The following GALNT13 variants were observed in gnomAD, a reference collection of about 807,000 sequenced individuals.
GALNT13 encodes the protein polypeptide N-acetylgalactosaminyltransferase 13, also known as UDP-GalNAc:polypeptide N-acetylgalactosaminyltransferase 13.
In GALNT13, 28 loss-of-function variants were observed where a neutral mutation model predicts 64.2. That is an observed-to-expected ratio of 0.44 (90% confidence interval 0.32 to 0.60). GALNT13 has a LOEUF of 0.60. GALNT13 is among the 20% of genes least tolerant of loss of function. GALNT13 has a pLI of 0.05. For synonymous variants in GALNT13, 214 were observed against 224.6 expected (o/e 0.95, Z 0.42); for missense variants, 577 against 669.8 (o/e 0.86, Z 1.53).
intron 3 of GALNT13, among the ~76,000 whole-genome samples, chr2:153,998,790 G>A (rs1453914987): frequency 1.3e-5 from 2 of 152,010 alleles, no homozygotes; most frequent in African/African-American, 4.8e-5. Context: ...GTTTAAGTCT[G>A]TACTCCATCT....
the GALNT13 span, chr2:153,354,422 C>A: frequency 6.6e-6 from 1 of 152,156 alleles, no homozygotes; most frequent in Non-Finnish European, 1.5e-5. Context: ...CCTTTTAATT[C>A]ATAGTAAAAC....
chr2:154,092,847 G>C (rs946797924), intron 3 of GALNT13, among the ~76,000 whole-genome samples: 1 of 151,906 alleles, frequency 6.6e-6, no homozygotes, highest in Non-Finnish European at 1.5e-5. Context: ...GGAATATTGT[G>C]GGGTGCAGGC....
chr2:153,084,482 T>C, the GALNT13 span, among the ~76,000 whole-genome samples: 5 of 152,200 alleles, frequency 3.3e-5, no homozygotes, highest in East Asian at 9.6e-4. Flanking sequence ...CCTGATATGG[T>C]TGGCTGTGTC....
chr2:153,925,710 G>T (rs1418312490), intron 2 of GALNT13, among the ~76,000 whole-genome samples: 1 of 151,920 alleles, frequency 6.6e-6, no homozygotes, highest in Non-Finnish European at 1.5e-5. Flanking sequence ...TTTTCCATTT[G>T]TTTTGTGTCA....
At chr2:153,939,048 A>G (rs1691150651) in intron 2 of GALNT13, among the ~76,000 whole-genome samples, 2 of 152,206 alleles carry the variant, frequency 1.3e-5, no homozygotes, top group South Asian at 4.1e-4. Context: ...AGGGGGACAA[A>G]TAAGAAACAA....
At chr2:153,261,174 T>C in the GALNT13 span, among the ~76,000 whole-genome samples, 1 of 152,218 alleles carries the variant, frequency 6.6e-6, no homozygotes, top group Admixed American at 6.5e-5. Flanking sequence ...TGAAAGGTAA[T>C]ATATCTCTGT....
At chr2:154,234,188 G>A (rs1689073393) in intron 4 of GALNT13, among the ~76,000 whole-genome samples, 1 of 152,088 alleles carries the variant, frequency 6.6e-6, no homozygotes. Context: ...TAAAATACAA[G>A]ATATTAGAAC....
chr2:153,364,158 T>C, the GALNT13 span, among the ~76,000 whole-genome samples: 1 of 152,308 alleles, frequency 6.6e-6, no homozygotes, highest in Non-Finnish European at 1.5e-5. Flanking sequence ...TCTCAATAGA[T>C]GCAGAAAAGG....
At chr2:153,396,925 G>A in the GALNT13 span, among the ~76,000 whole-genome samples, 1 of 152,134 alleles carries the variant, frequency 6.6e-6, no homozygotes, top group Non-Finnish European at 1.5e-5. Flanking sequence ...AGCAAGTGAT[G>A]CAAAGAAAGT....
chr2:153,100,187 A>C, the GALNT13 span, among the ~76,000 whole-genome samples: 2 of 152,234 alleles, frequency 1.3e-5, no homozygotes, highest in Admixed American at 6.6e-5. Flanking sequence ...GAGTTTAATT[A>C]AGTAAATAAA....
At chr2:154,305,090 A>G (rs1429970063) in intron 9 of GALNT13, among the ~76,000 whole-genome samples, 1 of 152,238 alleles carries the variant, frequency 6.6e-6, no homozygotes, top group African/African-American at 2.4e-5. Context: ...CAGATCATCC[A>G]AAAACAGATA....
intron 6 of GALNT13, among the ~76,000 whole-genome samples, chr2:154,245,067 C>G (rs781409147): frequency 6.6e-6 from 1 of 151,494 alleles, no homozygotes; most frequent in South Asian, 2.1e-4. Flanking sequence ...GATCTCCCCA[C>G]TGCACTCCAG....
the GALNT13 span, among the ~76,000 whole-genome samples, chr2:153,082,559 G>A: frequency 3.7e-5 from 4 of 108,372 alleles, no homozygotes; most frequent in East Asian, 9.3e-4. Context: ...TGATTGATGG[G>A]CATTTAGGCT....
chr2:153,844,587 T>C, the GALNT13 span, among the ~76,000 whole-genome samples: 16 of 152,242 alleles, frequency 1.1e-4, no homozygotes, highest in Non-Finnish European at 5.9e-5. Flanking sequence ...TTTGTAGTTG[T>C]ACAAATTTCT....
At chr2:153,254,718 C>T in the GALNT13 span, among the ~76,000 whole-genome samples, 8 of 152,056 alleles carry the variant, frequency 5.3e-5, no homozygotes, top group South Asian at 8.3e-4. Flanking sequence ...GCCTTCATTT[C>T]GTTATGTACC....
rs142640186 is a variant in GALNT13, at chr2:154,388,134, A to G, written c.1157-7857A>G. 5.8e-3 allele frequency among the ~76,000 whole-genome samples: 876 copies of G among 152,260 alleles called. 7 individuals carry two copies. The highest frequency in any genetic ancestry group is 0.02 in the African/African-American group (814 of 41,550). The stretch of plus-strand genomic sequence containing the variant: ...TCTAACAGGTGCGAGACGATACCTT[A>G]TTGTGGCTTTAATTTGCACTTTCCT... On this transcript the variant is annotated intron_variant, in intron 9 of 12. Coordinates refer to ENST00000392825, the MANE Select transcript of GALNT13 (RefSeq NM_052917.4).
At chr2:153,813,458 T>C in the GALNT13 span, among the ~76,000 whole-genome samples, 1 of 152,186 alleles carries the variant, frequency 6.6e-6, no homozygotes, top group Non-Finnish European at 1.5e-5. Flanking sequence ...AATCAGAAAG[T>C]AGCAGATCAC....
chr2:153,301,007 C>T, the GALNT13 span, among the ~76,000 whole-genome samples: 4 of 151,974 alleles, frequency 2.6e-5, no homozygotes, highest in East Asian at 7.7e-4. Flanking sequence ...TGTTTGAGAC[C>T]AGCCTGGGCA....
chr2:153,965,549 A>G (rs1477140214), intron 3 of GALNT13, among the ~76,000 whole-genome samples: 1 of 152,110 alleles, frequency 6.6e-6, no homozygotes, highest in Non-Finnish European at 1.5e-5. Flanking sequence ...TTGTGATTAC[A>G]TATATAGAAC....
Sources: allele counts gnomAD v4.1 joint callset (sites outside exome capture counted in the v4.1 genomes callset), GRCh38; gene constraint gnomAD v4.1.1; transcripts MANE v1.5; gene names NCBI Gene and HGNC (gene_info 2026-07-23, HGNC 2026-07-21).